The following GRIN3A variants were observed in gnomAD, a reference collection of about 807,000 sequenced individuals.
GRIN3A encodes glutamate ionotropic receptor NMDA type subunit 3A.
Under a neutral mutation model 92.4 loss-of-function variants are expected in GRIN3A, and 47 were observed. The ratio of observed to expected loss-of-function variants is 0.51; its 90% confidence interval spans 0.40 to 0.65. GRIN3A has a LOEUF of 0.65. Among genes scored for constraint, GRIN3A ranks in the 30% least tolerant of loss-of-function variants. The pLI, the probability that GRIN3A is intolerant of heterozygous loss-of-function variation, is 0.00. For missense variants in GRIN3A, 1,324 were observed against 1,393.1 expected, an observed-to-expected ratio of 0.95 and a Z score of 0.79; for synonymous variants, 527 against 540.6, an observed-to-expected ratio of 0.97 and a Z score of 0.35.
chr9:101,611,247 A>G (rs1212129662), intron 6 of GRIN3A, among the ~76,000 whole-genome samples: 1 of 152,122 alleles, frequency 6.6e-6, no homozygotes, highest in Admixed American at 6.5e-5. Flanking sequence ...CTTCTCTCCT[A>G]GCTTCTGAGG....
In GRIN3A at chr9:101,617,205, TAAAAAAA is replaced by T. The variant is rs61141843; in HGVS notation, c.2615-3685_2615-3679del. ...ATGGGCGACAGAGCGAGACTCCGTC[TAAAAAAA>T]AAAAAAAAAAAAAAGAAAATTCAAA... is the stretch of plus-strand genomic sequence containing the variant. On this transcript the variant is annotated intron_variant, in intron 5 of 8. Transcript: ENST00000361820. Among the ~76,000 whole-genome samples the T allele has an allele frequency of 1.1e-4, 12 of 107,192 alleles. No homozygotes were observed. The South Asian group carries it at 1.5e-3, about 14-fold the overall frequency. The allele number at this position is 107,192 out of a possible 152,430, so 70.3% of individuals were successfully genotyped here.
At chr9:101,628,626 A>G (rs1031933709) in intron 3 of GRIN3A, among the ~76,000 whole-genome samples, 6 of 152,200 alleles carry the variant, frequency 3.9e-5, no homozygotes, top group East Asian at 1.9e-4. Flanking sequence ...CAAAAAATAC[A>G]AAACAATTTT....
chr9:101,716,260 T>A (rs1829946651), intron 1 of GRIN3A, among the ~76,000 whole-genome samples: 1 of 152,134 alleles, frequency 6.6e-6, no homozygotes, highest in Non-Finnish European at 1.5e-5. Flanking sequence ...CTTTTTGCCA[T>A]GAGATTGCTT....
chr9:101,611,805 A>G (rs1828372106), intron 6 of GRIN3A, among the ~76,000 whole-genome samples: 1 of 152,242 alleles, frequency 6.6e-6, no homozygotes, highest in South Asian at 2.1e-4. Flanking sequence ...TGTGAGATAT[A>G]TGAGATTATG....
intron 1 of GRIN3A, among the ~76,000 whole-genome samples, chr9:101,718,834 T>C (rs1829976489): frequency 6.6e-6 from 1 of 152,226 alleles, no homozygotes; most frequent in African/African-American, 2.4e-5. Context: ...GGTACCTAGC[T>C]AGAACTGTTT....
chr9:101,632,326 C>T (rs1242591756), intron 3 of GRIN3A, among the ~76,000 whole-genome samples: 1 of 152,122 alleles, frequency 6.6e-6, no homozygotes, highest in Non-Finnish European at 1.5e-5. Flanking sequence ...ATTTGCCTTC[C>T]CTGCTAGATT....
At chr9:101,694,298 T>C (rs181111033) in intron 1 of GRIN3A, among the ~76,000 whole-genome samples, 1 of 152,294 alleles carries the variant, frequency 6.6e-6, no homozygotes, top group East Asian at 1.9e-4. Context: ...TACCAGGCTA[T>C]GGGTAAAGAA....
In GRIN3A at chr9:101,670,089, C is replaced by G. The variant is rs767426254; in HGVS notation, c.2323G>C (p.Glu775Gln). 1 of 1,613,718 alleles carries G rather than the reference C, an allele frequency of 6.2e-7. No individual in the cohort carries two copies. Among genetic ancestry groups the G allele is most frequent in the Non-Finnish European group, 8.5e-7 (1 of 1,179,752 alleles). The change falls in exon 3 of 9, where the codon GAA becomes CAA. Residue 775 changes from glutamate to glutamine, a missense_variant. By Grantham distance (29) the Glu-to-Gln change is conservative. Coordinates refer to ENST00000361820, the MANE Select transcript of GRIN3A (RefSeq NM_133445.3). ...AAVMVGEKIY[E>Q]ELSGIHDPKL... Reference sequence around the variant, plus strand: ...GGGTCATGTATTCCAGAAAGCTCTTCATAGATCTTCTCACCTACCATGACA... The same window carrying G: ...GGGTCATGTATTCCAGAAAGCTCTTGATAGATCTTCTCACCTACCATGACA...
Position 101,671,007 on chromosome 9 carries a change from G to T in GRIN3A, c.1405C>A (p.Gln469Lys). Residue 469 changes from glutamine (Q) to lysine (K), a missense_variant, in exon 3 of 9, where the codon CAA becomes AAA. Transcript: ENST00000361820. ...SENNFFIWNL[Q>K]HDPMGKPMWT... ...ATTGGCTTTCCCATGGGGTCATGTT[G>T]AAGATTCCAGATGAAAAAGTTGTTT... 6.2e-7 allele frequency: 1 copy of T among 1,613,918 alleles called. No homozygotes were observed. Among genetic ancestry groups the T allele is most frequent in the Non-Finnish European group, 8.5e-7 (1 of 1,179,876 alleles).
chr9:101,652,743 C>T (rs868114198), intron 3 of GRIN3A, among the ~76,000 whole-genome samples: 5 of 151,978 alleles, frequency 3.3e-5, no homozygotes, highest in South Asian at 2.1e-4. Context: ...TGAGTAAATG[C>T]GTCTTTTATG....
chr9:101,587,481 G>A (rs1827964981), intron 6 of GRIN3A, among the ~76,000 whole-genome samples: 1 of 152,128 alleles, frequency 6.6e-6, no homozygotes, highest in South Asian at 2.1e-4. Context: ...GTTTTAGGAA[G>A]TCTTCTCTGA....
intron 6 of GRIN3A, among the ~76,000 whole-genome samples, chr9:101,600,331 C>T (rs1828195433): frequency 6.6e-6 from 1 of 152,132 alleles, no homozygotes; most frequent in South Asian, 2.1e-4. Flanking sequence ...GTTTTCTCAA[C>T]AAATAATTAT....
intron 3 of GRIN3A, among the ~76,000 whole-genome samples, chr9:101,669,410 G>A (rs546606865): frequency 6.6e-6 from 1 of 151,990 alleles, no homozygotes; most frequent in Non-Finnish European, 1.5e-5. Context: ...GGGTACCCTG[G>A]ATAGACAAAA....
chr9:101,692,897 G>A (rs982838247), intron 1 of GRIN3A, among the ~76,000 whole-genome samples: 1 of 152,088 alleles, frequency 6.6e-6, no homozygotes, highest in Non-Finnish European at 1.5e-5. Flanking sequence ...ACAAGCATAA[G>A]GTGTAGTCCC....
intron 5 of GRIN3A, among the ~76,000 whole-genome samples, chr9:101,622,220 CAG>C (rs1341555087): frequency 6.6e-6 from 1 of 152,178 alleles, no homozygotes; most frequent in Admixed American, 6.5e-5. Context: ...TTAGAGGAGA[CAG>C]AGACTAACTG....
At chr9:101,652,181 G>C (rs1343581976) in intron 3 of GRIN3A, among the ~76,000 whole-genome samples, 1 of 152,036 alleles carries the variant, frequency 6.6e-6, no homozygotes, top group African/African-American at 2.4e-5. Context: ...GAGGTTCAGA[G>C]TATAAGTAAC....
chr9:101,689,749 C>T (rs1033006410), intron 1 of GRIN3A, among the ~76,000 whole-genome samples: 1 of 146,040 alleles, frequency 6.8e-6, no homozygotes, highest in East Asian at 1.9e-4. Context: ...CACATACACA[C>T]ACACACACAC....
rs189638230 is a variant in GRIN3A at position 101,623,235 on chromosome 9, C to T, written c.2614+83G>A. ...AGGGAAGATGAATAGCTCTTTGCTT[C>T]TGACTTTGGCATTTGTGACTTTCTA... is the stretch of plus-strand genomic sequence containing the variant. On this transcript the variant is annotated intron_variant, in intron 5 of 8. Coordinates refer to ENST00000361820, the MANE Select transcript of GRIN3A (RefSeq NM_133445.3). The T allele has an allele frequency of 6.6e-4, 586 of 881,482 alleles. 1 individual carries two copies. The highest frequency in any genetic ancestry group is 6.5e-3 in the African/African-American group (400 of 61,198). 54.6% of individuals were successfully genotyped at this position (881,482 alleles called of 1,614,324 possible).
chr9:101,610,258 A>T (rs868359142), intron 6 of GRIN3A, among the ~76,000 whole-genome samples: 2 of 152,232 alleles, frequency 1.3e-5, no homozygotes, highest in East Asian at 3.9e-4. Context: ...CTCTGGGTAC[A>T]GTTTCTATTA....
Sources: gnomAD v4.1 joint callset for allele counts (sites outside exome capture counted in the v4.1 genomes callset) on GRCh38, gnomAD v4.1.1 for gene constraint, MANE v1.5 for transcripts, NCBI Gene and HGNC (gene_info 2026-07-23, HGNC 2026-07-21) for gene names.